The following MSH3 variants were observed in gnomAD, a reference collection of about 807,000 sequenced individuals.
The protein encoded by MSH3 is DNA mismatch repair protein Msh3.
In MSH3, 106 loss-of-function variants were observed where a neutral mutation model predicts 123.3. That is an observed-to-expected ratio of 0.86 (90% confidence interval 0.73 to 1.01). MSH3 has a LOEUF of 1.01. Ranked by LOEUF, MSH3 falls within the 50% of genes least tolerant of loss-of-function variation. MSH3 has a pLI of 0.00. For synonymous variants in MSH3, 515 were observed against 481.4 expected, an observed-to-expected ratio of 1.07 and a Z score of -0.91; for missense variants, 1,459 against 1,347.6, an observed-to-expected ratio of 1.08 and a Z score of -1.29.
In MSH3 at chr5:80,841,797, G is replaced by A. The variant is rs548665494; in HGVS notation, c.2814-12333G>A. ...TTTGTTTAAGTTCTTTGTAGATTCT[G>A]GATATTAGCCCTTTGTCAGATGGGT... On this transcript the variant is annotated intron_variant, in intron 20 of 23. Coordinates refer to ENST00000265081, the MANE Select transcript of MSH3 (RefSeq NM_002439.5). 1.4e-4 allele frequency among the ~76,000 whole-genome samples: 22 copies of A among 152,140 alleles called. No homozygotes were observed. In the South Asian group the frequency reaches 4.4e-3, roughly 30 times the overall value.
At chr5:80,826,421 C>T (rs1454406095) in intron 20 of MSH3, among the ~76,000 whole-genome samples, 3 of 152,138 alleles carry the variant, frequency 2.0e-5, no homozygotes, top group Middle Eastern at 6.3e-3. Flanking sequence ...ATCAATTGGC[C>T]ATTTAGAACA....
intron 12 of MSH3, among the ~76,000 whole-genome samples, chr5:80,756,630 A>G (rs946015775): frequency 4.6e-5 from 7 of 152,212 alleles, no homozygotes; most frequent in East Asian, 3.8e-4. Context: ...TTGTACCTAG[A>G]TCATAACCCA....
chr5:80,746,456 T>G (rs863221), intron 12 of MSH3: 179,789 of 490,212 alleles, frequency 0.37, 34,190 homozygotes, highest in South Asian at 0.41. Flanking sequence ...TTGATTGTAT[T>G]GGCAACAGTC....
In MSH3 at chr5:80,675,075, A is replaced by G; in HGVS notation, c.1120A>G (p.Asn374Asp). 6.2e-7 allele frequency: 1 copy of G among 1,613,856 alleles called. No individual in the cohort carries two copies. The highest frequency in any genetic ancestry group is 8.5e-7 in the Non-Finnish European group (1 of 1,179,876). ...CAGCTATCTTCTGTGCATCTCTGAA[A>G]ATAAGGAAAATGTTAGGGACAAAAA... ...STSYLLCISE[N>D]KENVRDKKKG... The change falls in exon 7 of 24, where the codon AAT (asparagine) becomes GAT (aspartate). Residue 374 changes from asparagine to aspartate, a missense_variant. Coordinates refer to ENST00000265081, the MANE Select transcript of MSH3 (RefSeq NM_002439.5).
Position 80,863,497 on chromosome 5 carries a change from C to T in MSH3, c.3001-1316C>T, listed in dbSNP as rs528493135. Among the ~76,000 whole-genome samples, 516 of 151,946 alleles carry T rather than the reference C, an allele frequency of 3.4e-3. 2 individuals are homozygous for T. The highest frequency in any genetic ancestry group is 0.012 in the African/African-American group (491 of 41,444). On this transcript the variant is annotated intron_variant, in intron 21 of 23. Transcript: ENST00000265081. ...CATCCTGGCTAACACGGTGAAACCC[C>T]GTCTCTACTAAAAAATAGAAAAAAT...
At chr5:80,769,075 A>G in intron 15 of MSH3, 72 bp downstream of exon 15, 1 of 1,334,224 alleles carries the variant, frequency 7.5e-7, no homozygotes, top group Non-Finnish European at 1.1e-6. Flanking sequence ...ATGTAAATAG[A>G]AATCTGAGGA....
At chr5:80,810,194 T>TAA (rs1554074257) in intron 19 of MSH3, among the ~76,000 whole-genome samples, 9 of 146,884 alleles carry the variant, frequency 6.1e-5, no homozygotes, top group South Asian at 2.1e-4. Context: ...TATATATATA[T>TAA]AAACTAGTAG....
At chr5:80,854,010 T>C in intron 20 of MSH3, 120 bp from the exon 21 acceptor site, 2 of 818,168 alleles carry the variant, frequency 2.4e-6, no homozygotes, top group Non-Finnish European at 3.9e-6. Context: ...TTTGAGCTAT[T>C]ATTGGCTCAA....
At chr5:80,691,994 TAG>T (rs1307052426) in intron 8 of MSH3, among the ~76,000 whole-genome samples, 952 of 78,530 alleles carry the variant, frequency 0.012, 214 homozygotes, top group Middle Eastern at 0.048. Context: ...TGTATATGTT[TAG>T]ATAGATAAAC....
At chr5:80,814,083 A>G (rs1439562513) in intron 20 of MSH3, among the ~76,000 whole-genome samples, 1 of 151,156 alleles carries the variant, frequency 6.6e-6, no homozygotes, top group Non-Finnish European at 1.5e-5. Context: ...CCGAGGTCAC[A>G]CCATTGCACT....
At chr5:80,699,558 C>CAAAAA (rs55795731) in intron 8 of MSH3, among the ~76,000 whole-genome samples, 2 of 78,546 alleles carry the variant, frequency 2.5e-5, no homozygotes, top group African/African-American at 5.1e-5. Context: ...ACACTGTCTC[C>CAAAAA]AAAAAAAAAA....
chr5:80,776,928 A>T (rs28447305), intron 16 of MSH3, among the ~76,000 whole-genome samples: 6,870 of 139,302 alleles, frequency 0.049, 417 homozygotes, highest in African/African-American at 0.14. Context: ...ATATATATAT[A>T]TTTTTTTTTT....
In MSH3 at chr5:80,678,915, A is replaced by T; in HGVS notation, c.1174-12A>T. 6.2e-7 allele frequency: 1 copy of T among 1,613,884 alleles called. No individual in the cohort carries two copies. Among genetic ancestry groups the T allele is most frequent in the Non-Finnish European group, 8.5e-7 (1 of 1,179,872 alleles). On this transcript the variant is annotated splice_polypyrimidine_tract_variant and intron_variant, in intron 7 of 23. Coordinates refer to ENST00000265081, the MANE Select transcript of MSH3 (RefSeq NM_002439.5). Reference sequence around the variant, plus strand: ...ATTTTTTCTGTAACATTATATTTGTATTTGTTTTTAGGGAGTGCAGCCTGC... The same window carrying T: ...ATTTTTTCTGTAACATTATATTTGTTTTTGTTTTTAGGGAGTGCAGCCTGC...
At chr5:80,851,324 G>A (rs148152826) in intron 20 of MSH3, among the ~76,000 whole-genome samples, 109 of 152,020 alleles carry the variant, frequency 7.2e-4, no homozygotes, top group Non-Finnish European at 1.1e-3. Context: ...CCCTTTCCCC[G>A]CAGCACTCTT....
At chr5:80,870,260 G>A (rs1473588786) in intron 22 of MSH3, among the ~76,000 whole-genome samples, 1 of 151,894 alleles carries the variant, frequency 6.6e-6, no homozygotes, top group African/African-American at 2.4e-5. Flanking sequence ...AAATACTGAT[G>A]GCTGGATGGA....
chr5:80,864,668 GT>G, intron 21 of MSH3, 144 bp from the exon 22 acceptor site: 1 of 666,240 alleles, frequency 1.5e-6, no homozygotes, highest in Non-Finnish European at 2.6e-6. Context: ...GATTATCTAG[GT>G]AAACAGTATA....
chr5:80,842,244 G>T (rs1349956855), intron 20 of MSH3, among the ~76,000 whole-genome samples: 1 of 152,140 alleles, frequency 6.6e-6, no homozygotes, highest in Non-Finnish European at 1.5e-5. Flanking sequence ...TGAGGCCTCT[G>T]TTCTATTCCA....
intron 22 of MSH3, among the ~76,000 whole-genome samples, chr5:80,867,052 G>A (rs555144643): frequency 6.6e-6 from 1 of 152,218 alleles, no homozygotes; most frequent in East Asian, 1.9e-4. Context: ...CTGCTGTCTG[G>A]GCCTGCGGCA....
intron 20 of MSH3, among the ~76,000 whole-genome samples, chr5:80,836,097 A>G (rs1745503653): frequency 6.6e-6 from 1 of 152,164 alleles, no homozygotes; most frequent in Admixed American, 6.5e-5. Context: ...TATGTTTTTT[A>G]GAATAAACTC....
Sources: allele counts gnomAD v4.1 joint callset (sites outside exome capture counted in the v4.1 genomes callset), GRCh38; gene constraint gnomAD v4.1.1; transcripts MANE v1.5; gene names NCBI Gene and HGNC (gene_info 2026-07-23, HGNC 2026-07-21).